Variants in RBFOX3 observed in about 807,000 individuals in gnomAD.
RBFOX3 encodes RNA binding fox-1 homolog 3, also known as RNA binding protein fox-1 homolog 3.
A neutral mutation model predicts 48.7 loss-of-function variants in RBFOX3; 17 were observed. The observed-to-expected ratio is 0.35, with a 90% CI of 0.24 to 0.52. The LOEUF is 0.52. Among genes scored for constraint, RBFOX3 ranks in the 20% least tolerant of loss-of-function variants. RBFOX3 has a pLI of 0.94. For missense variants in RBFOX3, 382 were observed against 497.5 expected (o/e 0.77, Z 2.21); for synonymous variants, 212 against 209.5 (o/e 1.01, Z -0.10).
At chr17:79,411,281 G>C (rs1290060338) in intron 2 of RBFOX3, among the ~76,000 whole-genome samples, 1 of 152,054 alleles carries the variant, frequency 6.6e-6, no homozygotes, top group Non-Finnish European at 1.5e-5. Flanking sequence ...TTGGGGTGGG[G>C]GCACCTCATG....
intron 4 of RBFOX3, among the ~76,000 whole-genome samples, chr17:79,207,152 G>C (rs2057616508): frequency 6.6e-6 from 1 of 152,220 alleles, no homozygotes; most frequent in South Asian, 2.1e-4. Flanking sequence ...AAGTGCCTCT[G>C]CCTAATATTA....
At chr17:79,523,427 C>T (rs888831968) in intron 1 of RBFOX3, among the ~76,000 whole-genome samples, 6 of 152,168 alleles carry the variant, frequency 3.9e-5, no homozygotes, top group Non-Finnish European at 7.3e-5. Flanking sequence ...GGGCGGGAAA[C>T]GGGCTGGAGG....
intron 4 of RBFOX3, among the ~76,000 whole-genome samples, chr17:79,139,099 C>T (rs1048781333): frequency 2.0e-5 from 3 of 151,074 alleles, no homozygotes; most frequent in African/African-American, 4.9e-5. Context: ...CACATGTTCA[C>T]ACCCACTCTC....
At position 79,311,454 on chromosome 17, in the gene RBFOX3, A is replaced by C. The variant is rs910987397; in HGVS notation, c.-174-3630T>G. Reference sequence around the variant, plus strand: ...ATCTCCAAAAAAAAAAAAAAAAAAAACAGACTGCAGCACCAATTCCTGCCT... The same window carrying C: ...ATCTCCAAAAAAAAAAAAAAAAAAACCAGACTGCAGCACCAATTCCTGCCT... On this transcript the variant is annotated intron_variant, in intron 2 of 14. Transcript: ENST00000693108. The surrounding 1 kb of genome is among the most constrained non-coding windows in gnomAD (Gnocchi z 4.2). Among the ~76,000 whole-genome samples the C allele has an allele frequency of 8.6e-5, 12 of 139,870 alleles. No individual in the cohort carries two copies. The highest frequency in any genetic ancestry group is 2.8e-4 in the African/African-American group (11 of 39,298). The allele number at this position is 139,870 out of a possible 152,430, so 91.8% of individuals were successfully genotyped here.
chr17:79,333,282 T>C (rs2080692043), intron 2 of RBFOX3, among the ~76,000 whole-genome samples: 1 of 152,178 alleles, frequency 6.6e-6, no homozygotes, highest in Admixed American at 6.5e-5. Flanking sequence ...CTTCCTGAAC[T>C]ATTTTCATTA....
rs71365549 is a variant in RBFOX3, at chr17:79,212,990, G to GC, written c.-34+22775_-34+22776insG. Among the ~76,000 whole-genome samples the GC allele has an allele frequency of 0.57, 86,053 of 151,232 alleles. 24,982 individuals are homozygous for GC. The highest frequency in any genetic ancestry group is 0.82 in the East Asian group (4,149 of 5,080). ...CTGCCTCAGCCTCCTGAGTAGCTGG[G>GC]ATTACAGGCATGCGCCTGTAATGCC... On this transcript the variant is annotated intron_variant, in intron 4 of 14. Transcript: ENST00000693108. This position sits in a 1 kb window ranked among gnomAD's most constrained non-coding sequence, Gnocchi z 4.7.
intron 2 of RBFOX3, among the ~76,000 whole-genome samples, chr17:79,475,189 G>A (rs1034407868): frequency 5.9e-5 from 9 of 152,264 alleles, no homozygotes; most frequent in Admixed American, 1.3e-4. Flanking sequence ...TCAGCTCATC[G>A]TTCCAGGTGC....
At chr17:79,624,601 G>A in the RBFOX3 span, among the ~76,000 whole-genome samples, 3 of 152,072 alleles carry the variant, frequency 2.0e-5, no homozygotes, top group African/African-American at 7.2e-5. Context: ...AGCTCACCCT[G>A]GTGCCTAGCA....
chr17:79,272,085 G>T (rs1286481604), intron 3 of RBFOX3, among the ~76,000 whole-genome samples: 1 of 152,266 alleles, frequency 6.6e-6, no homozygotes, highest in East Asian at 1.9e-4. Context: ...GAAACTTGTG[G>T]AGTCAGGAAA....
chr17:79,198,711 C>CGAG lies in RBFOX3; in HGVS notation c.-34+37054_-34+37055insCTC, dbSNP rs1372193880. Among the ~76,000 whole-genome samples the CGAG allele has an allele frequency of 1.3e-5, 2 of 151,984 alleles. No homozygotes were observed. Among genetic ancestry groups the CGAG allele is most frequent in the African/African-American group, 4.8e-5 (2 of 41,348 alleles). On this transcript the variant is annotated intron_variant, in intron 4 of 14. Transcript: ENST00000693108. This position sits in a 1 kb window ranked among gnomAD's most constrained non-coding sequence, Gnocchi z 8.2. ...CATGATCTAGGCTCGTTGCAACCTC[C>CGAG]ACCTTCCGGGTTCAAGCGATTCTCC...
chr17:79,369,423 C>T (rs1291446101), intron 2 of RBFOX3, among the ~76,000 whole-genome samples: 1 of 152,048 alleles, frequency 6.6e-6, no homozygotes, highest in African/African-American at 2.4e-5. Context: ...ACACGCGTTT[C>T]GGAGGGTTTG....
At chr17:79,315,481 C>T (rs993007591) in intron 2 of RBFOX3, among the ~76,000 whole-genome samples, 1 of 152,230 alleles carries the variant, frequency 6.6e-6, no homozygotes, top group Non-Finnish European at 1.5e-5. Context: ...TCCCATCCCC[C>T]GACAGATGGG....
the RBFOX3 span, among the ~76,000 whole-genome samples, chr17:79,658,077 A>T: frequency 6.6e-6 from 1 of 152,100 alleles, no homozygotes; most frequent in Non-Finnish European, 1.5e-5. Flanking sequence ...GCCCCAACAC[A>T]AGCAGCACAG....
chr17:79,459,351 C>T (rs782243487), intron 2 of RBFOX3, among the ~76,000 whole-genome samples: 1 of 152,154 alleles, frequency 6.6e-6, no homozygotes. Flanking sequence ...ATGTGCAGAG[C>T]GTTCAGGACT....
the RBFOX3 span, among the ~76,000 whole-genome samples, chr17:79,648,726 G>T: frequency 6.6e-6 from 1 of 152,200 alleles, no homozygotes; most frequent in Non-Finnish European, 1.5e-5. Context: ...AGGGGCTGGG[G>T]CTGCTCTCCA....
chr17:79,309,801 C>T (rs1411688960), intron 2 of RBFOX3, among the ~76,000 whole-genome samples: 1 of 152,060 alleles, frequency 6.6e-6, no homozygotes, highest in Non-Finnish European at 1.5e-5. Context: ...TGGCAGTTCC[C>T]CCCTCACTCT....
chr17:79,309,065 C>T (rs548770283), intron 2 of RBFOX3, among the ~76,000 whole-genome samples: 1 of 151,152 alleles, frequency 6.6e-6, no homozygotes, highest in Non-Finnish European at 1.5e-5. Flanking sequence ...TGAGATCACA[C>T]CACCGCACTC....
intron 2 of RBFOX3, among the ~76,000 whole-genome samples, chr17:79,388,225 G>T (rs2060851404): frequency 6.6e-6 from 1 of 152,214 alleles, no homozygotes; most frequent in Non-Finnish European, 1.5e-5. Flanking sequence ...GTGCTCCATG[G>T]GCTGTGACTG....
At chr17:79,239,140 G>A (rs190981241) in intron 3 of RBFOX3, among the ~76,000 whole-genome samples, 3 of 152,290 alleles carry the variant, frequency 2.0e-5, no homozygotes, top group Admixed American at 6.5e-5. Context: ...GCCTCGCTTC[G>A]TGTTTCTGAG....
Sources: gnomAD v4.1 joint callset for allele counts (sites outside exome capture counted in the v4.1 genomes callset) on GRCh38, gnomAD v4.1.1 for gene constraint, Gnocchi (gnomAD v3.1) non-coding constraint, MANE v1.5 for transcripts, NCBI Gene and HGNC (gene_info 2026-07-23, HGNC 2026-07-21) for gene names.